The following LRRK2 variants were observed in gnomAD, a reference collection of about 807,000 sequenced individuals.
LRRK2 encodes leucine rich repeat kinase 2.
Under a neutral mutation model 302.6 loss-of-function variants are expected in LRRK2, and 203 were observed. The ratio of observed to expected loss-of-function variants is 0.67; its 90% CI spans 0.60 to 0.75. The LOEUF (loss-of-function observed/expected upper bound fraction) is 0.75. Among genes scored for constraint, LRRK2 ranks in the 30% least tolerant of loss-of-function variants. The pLI, the probability that LRRK2 is intolerant of heterozygous loss-of-function variation, is 0.00. For missense variants in LRRK2, 2,830 were observed against 2,951.0 expected, an observed-to-expected ratio of 0.96 and a Z score of 0.95; for synonymous variants, 1,066 against 1,031.9, an observed-to-expected ratio of 1.03 and a Z score of -0.63.
intron 23 of LRRK2, among the ~76,000 whole-genome samples, chr12:40,296,718 C>A (rs1944399220): frequency 6.6e-6 from 1 of 151,868 alleles, no homozygotes; most frequent in Non-Finnish European, 1.5e-5. Flanking sequence ...TTAAAGGCAA[C>A]ATTACATAAA....
rs1319746974 is a variant in LRRK2 at position 40,368,631 on chromosome 12, A to G, written c.*866A>G. 1 of 151,408 alleles carries G rather than the reference A, an allele frequency of 6.6e-6. No individual in the cohort carries two copies. The highest frequency in any genetic ancestry group is 1.5e-5 in the Non-Finnish European group (1 of 67,650). 9.4% of individuals were successfully genotyped at this position (151,408 alleles called of 1,614,324 possible). On this transcript the variant is annotated 3_prime_UTR_variant, in exon 51 of 51. Coordinates refer to ENST00000298910, the MANE Select transcript of LRRK2 (RefSeq NM_198578.4). ...TCTAATCTGCTTCATTCTAATGCTT[A>G]TATTCATCTTTTCCCTAAATTTGTG...
intron 47 of LRRK2, among the ~76,000 whole-genome samples, chr12:40,360,624 A>G (rs1186659345): frequency 2.9e-4 from 44 of 151,978 alleles, no homozygotes; most frequent in Non-Finnish European, 1.5e-5. Flanking sequence ...ATCTGATGCA[A>G]TTTTCCTGCT....
rs767609721 is a variant in LRRK2 at position 40,304,078 on chromosome 12, G to A, written c.3721G>A (p.Ala1241Thr). 4.8e-5 allele frequency: 77 copies of A among 1,613,626 alleles called. No homozygotes were observed. Among genetic ancestry groups the A allele is most frequent in the Middle Eastern group, 1.7e-4 (1 of 6,056 alleles). The change falls in exon 27 of 51, where the codon GCA becomes ACA. Residue 1241 changes from alanine to threonine, a missense_variant. Transcript: ENST00000298910. The part of the protein sequence containing the change: ...QISILDLSEK[A>T]YLWSRVEKLH... Reference sequence around the variant, plus strand: ...CAGCATCTTGGACTTGAGTGAAAAAGCATATTTATGGTCTAGAGTAGAGAA... The same window carrying A: ...CAGCATCTTGGACTTGAGTGAAAAAACATATTTATGGTCTAGAGTAGAGAA...
rs543680945 is a variant in LRRK2, at chr12:40,309,908, T to C, written c.4318-523T>C. On this transcript the variant is annotated intron_variant, in intron 30 of 50. Coordinates refer to ENST00000298910, the MANE Select transcript of LRRK2 (RefSeq NM_198578.4). ...TAATTTGGGTATTTTTTAATGTTTC[T>C]TTTATTAACTTTTTTACAGCTAGCC... Among the ~76,000 whole-genome samples the C allele has an allele frequency of 1.1e-4, 17 of 152,328 alleles. 1 individual carries two copies. The South Asian group carries it at 1.2e-3, about 11-fold the overall frequency.
At chr12:40,241,239 A>G (rs756534511) in intron 6 of LRRK2, among the ~76,000 whole-genome samples, 14 of 152,192 alleles carry the variant, frequency 9.2e-5, no homozygotes, top group Middle Eastern at 3.2e-3. Context: ...GGAGAGCTTG[A>G]TAAGAGGCAG....
In LRRK2 at chr12:40,263,824, C is replaced by A. The variant is rs1270655315; in HGVS notation, c.1579C>A (p.His527Asn). The stretch of plus-strand genomic sequence containing the variant: ...AGAATCCAGGGAGGATACAGAATTT[C>A]ATCATAAGCTAAATATGGTTAAAAA... ...PEESREDTEF[H>N]HKLNMVKKQC... is the part of the protein sequence containing the mutation. Residue 527 changes from histidine to asparagine, a missense_variant, in exon 14 of 51, where the codon CAT (histidine) becomes AAT (asparagine). Transcript: ENST00000298910. 6.2e-7 allele frequency: 1 copy of A among 1,613,178 alleles called. No homozygotes were observed. The highest frequency in any genetic ancestry group is 2.2e-5 in the East Asian group (1 of 44,810).
intron 39 of LRRK2, among the ~76,000 whole-genome samples, chr12:40,333,610 G>A (rs993948799): frequency 2.0e-5 from 3 of 151,916 alleles, no homozygotes; most frequent in Non-Finnish European, 4.4e-5. Flanking sequence ...CCACATCTTC[G>A]GAGTGGCCTG....
chr12:40,303,825 T>C lies in LRRK2; in HGVS notation c.3591-123T>C, dbSNP rs148477888. 4.4e-4 allele frequency: 394 copies of C among 900,424 alleles called. 1 individual carries two copies. Among genetic ancestry groups the C allele is most frequent in the Non-Finnish European group, 6.0e-4 (337 of 560,590 alleles). The allele number at this position is 900,424 out of a possible 1,614,324, so 55.8% of individuals were successfully genotyped here. On this transcript the variant is annotated intron_variant, in intron 26 of 50. Coordinates refer to ENST00000298910, the MANE Select transcript of LRRK2 (RefSeq NM_198578.4). ...CTCTCAAATCACATGCATACTCATATGTCAATAATGCTAGTTTTGACGTTA... is the reference window on the plus strand; with the variant it reads ...CTCTCAAATCACATGCATACTCATACGTCAATAATGCTAGTTTTGACGTTA...
chr12:40,367,664 G>A lies in LRRK2; in HGVS notation c.7483G>A (p.Val2495Ile), dbSNP rs150062967. The A allele has an allele frequency of 5.8e-4, 924 of 1,602,876 alleles. 10 individuals carry two copies. The South Asian group carries it at 8.1e-3, about 14-fold the overall frequency. The change falls in exon 51 of 51, where the codon GTT becomes ATT. Residue 2495 changes from valine (V) to isoleucine (I), a missense_variant. Physicochemically the swap from Val to Ile is conservative, Grantham distance 29. This residue lies in a region of LRRK2 where 456 missense variants were observed against 456.3 expected (regional missense o/e 1.00). Coordinates refer to ENST00000298910, the MANE Select transcript of LRRK2 (RefSeq NM_198578.4). Reference protein sequence around the residue: ...KQKEIQSCLTVWDINLPHEVQ... With the variant: ...KQKEIQSCLTIWDINLPHEVQ... ...TCTAGAGATACAATCTTGCTTGACCGTTTGGGACATCAATCTTCCACATGA... is the reference window on the plus strand; with the variant it reads ...TCTAGAGATACAATCTTGCTTGACCATTTGGGACATCAATCTTCCACATGA...
At chr12:40,260,114 T>C (rs1287552767) in intron 13 of LRRK2, among the ~76,000 whole-genome samples, 3 of 152,150 alleles carry the variant, frequency 2.0e-5, no homozygotes, top group African/African-American at 7.2e-5. Flanking sequence ...TTATTTGTTC[T>C]CCAAAGCCCC....
chr12:40,343,141 G>C lies in LRRK2; in HGVS notation c.6109+2687G>C, dbSNP rs188913936. Reference sequence around the variant, plus strand: ...GCACTGTGATAGCTGGGGACGCAGAGACAGAAACAATGCAATTATTGACAG... The same window carrying C: ...GCACTGTGATAGCTGGGGACGCAGACACAGAAACAATGCAATTATTGACAG... On this transcript the variant is annotated intron_variant, in intron 41 of 50. Coordinates refer to ENST00000298910, the MANE Select transcript of LRRK2 (RefSeq NM_198578.4). 2.6e-5 allele frequency among the ~76,000 whole-genome samples: 4 copies of C among 152,342 alleles called. No individual in the cohort carries two copies. The East Asian group carries it at 7.7e-4, about 29-fold the overall frequency.
intron 48 of LRRK2, 28 bp from the exon 49 acceptor site, chr12:40,364,814 A>G: frequency 6.5e-7 from 1 of 1,529,778 alleles, no homozygotes; most frequent in Non-Finnish European, 9.0e-7. Context: ...TGGTGGTAAA[A>G]TTATTAATGT....
intron 20 of LRRK2, among the ~76,000 whole-genome samples, chr12:40,290,472 T>C (rs1453693895): frequency 6.6e-6 from 1 of 152,044 alleles, no homozygotes; most frequent in African/African-American, 2.4e-5. Context: ...TAAAGGTATT[T>C]TCTTCTTAAA....
intron 41 of LRRK2, among the ~76,000 whole-genome samples, chr12:40,346,548 G>A (rs1458491092): frequency 1.3e-5 from 2 of 152,146 alleles, no homozygotes; most frequent in African/African-American, 4.8e-5. Context: ...TTATTGTCCT[G>A]TGTGGTCAAC....
chr12:40,289,265 A>G (rs1018125812), intron 20 of LRRK2, among the ~76,000 whole-genome samples: 10 of 151,726 alleles, frequency 6.6e-5, no homozygotes, highest in African/African-American at 2.4e-4. Context: ...CCACTGATTT[A>G]TACCTTATTC....
rs1367391013 is a variant in LRRK2, at chr12:40,322,324, A to T, written c.5323A>T (p.Ile1775Phe). 6.2e-7 allele frequency: 1 copy of T among 1,613,330 alleles called. No homozygotes were observed. The highest frequency in any genetic ancestry group is 8.5e-7 in the Non-Finnish European group (1 of 1,179,590). ...ITVPSCRKGCILLGQVVDHID... is the reference protein window; with the variant it reads ...ITVPSCRKGCFLLGQVVDHID... ...CTCTGTTTTGAATCATGTAGGCTGT[A>T]TTCTTTTGGGCCAAGTTGTGGACCA... Residue 1775 changes from isoleucine (I) to phenylalanine (F), a missense_variant, in exon 37 of 51, where the codon ATT becomes TTT. Ile to Phe is a conservative substitution (Grantham distance 21). Around this residue, in one of 3 missense-constraint regions of LRRK2, gnomAD observed 2,121 missense variants for 2,148.0 expected, o/e 0.99. Coordinates refer to ENST00000298910, the MANE Select transcript of LRRK2 (RefSeq NM_198578.4).
At chr12:40,360,582 C>G (rs1259026345) in intron 47 of LRRK2, among the ~76,000 whole-genome samples, 1 of 152,086 alleles carries the variant, frequency 6.6e-6, no homozygotes, top group Non-Finnish European at 1.5e-5. Flanking sequence ...TTCAGCATTG[C>G]AGACAGAGGG....
At chr12:40,280,156 A>G (rs1444699715) in intron 18 of LRRK2, among the ~76,000 whole-genome samples, 1 of 152,200 alleles carries the variant, frequency 6.6e-6, no homozygotes, top group South Asian at 2.1e-4. Flanking sequence ...AAGTCTGAAT[A>G]AAAATAATAA....
chr12:40,300,704 G>A (rs1332561837), intron 25 of LRRK2: 55 of 441,998 alleles, frequency 1.2e-4, no homozygotes, highest in South Asian at 8.3e-4. Context: ...AAGCAAACTC[G>A]GTCTCTGTCC....
Sources: allele counts gnomAD v4.1 joint callset (sites outside exome capture counted in the v4.1 genomes callset), GRCh38; gene constraint gnomAD v4.1.1; regional missense constraint gnomAD v4.1.1; transcripts MANE v1.5; gene names NCBI Gene and HGNC (gene_info 2026-07-23, HGNC 2026-07-21).